The following GLG1 variants were observed in gnomAD, a reference collection of about 807,000 sequenced individuals.
GLG1 encodes golgi glycoprotein 1, also known as Golgi apparatus protein 1.
Under a neutral mutation model 160.5 loss-of-function variants are expected in GLG1, and 38 were observed. The ratio of observed to expected loss-of-function variants is 0.24; its 90% CI spans 0.18 to 0.31. The LOEUF (loss-of-function observed/expected upper bound fraction) is 0.31. GLG1 is among the 10% of genes least tolerant of loss of function. The pLI is 1.00. For synonymous variants in GLG1, 644 were observed against 543.4 expected (o/e 1.19, Z -2.57); for missense variants, 1,373 against 1,505.2 (o/e 0.91, Z 1.45).
In GLG1 at chr16:74,492,952, G is replaced by A. The variant is rs1374510968; in HGVS notation, c.1234+5C>T. The stretch of plus-strand genomic sequence containing the variant: ...TGATAATTAAAAAAAAAATATGAAT[G>A]CTACCTCTGTGTACAGCTGACTCCA... On this transcript the variant is annotated splice_donor_5th_base_variant and intron_variant, in intron 7 of 25. Transcript: ENST00000422840. The A allele has an allele frequency of 6.4e-7, 1 of 1,554,714 alleles. No individual in the cohort carries two copies. Among genetic ancestry groups the A allele is most frequent in the East Asian group, 2.3e-5 (1 of 43,932 alleles).
chr16:74,597,840 T>G (rs1958342021), intron 1 of GLG1, among the ~76,000 whole-genome samples: 12 of 113,498 alleles, frequency 1.1e-4, no homozygotes, highest in African/African-American at 1.8e-4. Context: ...GGTGACAAAG[T>G]GAGACTGCCT....
intron 16 of GLG1, 100 bp from the exon 17 acceptor site, chr16:74,469,163 C>T: frequency 1.3e-6 from 1 of 761,752 alleles, no homozygotes; most frequent in East Asian, 2.5e-5. Flanking sequence ...ATTCAAGATG[C>T]CCTTTGGGGG....
intron 3 of GLG1, among the ~76,000 whole-genome samples, chr16:74,504,541 G>C (rs903298783): frequency 6.6e-6 from 1 of 152,114 alleles, no homozygotes; most frequent in Non-Finnish European, 1.5e-5. Flanking sequence ...ACCCACCTTG[G>C]CTTCCCAAAG....
At chr16:74,547,242 T>A (rs555669689) in intron 1 of GLG1, among the ~76,000 whole-genome samples, 2 of 151,312 alleles carry the variant, frequency 1.3e-5, no homozygotes, top group African/African-American at 4.9e-5. Context: ...TTCCTTACTT[T>A]ACCAATAACT....
intron 2 of GLG1, among the ~76,000 whole-genome samples, chr16:74,517,138 G>C (rs889455205): frequency 1.3e-5 from 2 of 152,166 alleles, no homozygotes; most frequent in African/African-American, 4.8e-5. Context: ...AGAGGAGCTG[G>C]TACCATTCCT....
At chr16:74,589,258 A>C (rs1158524896) in intron 1 of GLG1, among the ~76,000 whole-genome samples, 2 of 13,672 alleles carry the variant, frequency 1.5e-4, no homozygotes, top group East Asian at 0.011. Context: ...CTCTGTCTCA[A>C]AAAAAAAAAA....
chr16:74,517,010 T>G (rs956168294), intron 2 of GLG1, among the ~76,000 whole-genome samples: 3 of 152,176 alleles, frequency 2.0e-5, no homozygotes, highest in Admixed American at 6.5e-5. Context: ...CAGGAAGAAG[T>G]TGAATCTCTG....
chr16:74,505,860 A>C (rs535280413), intron 3 of GLG1, among the ~76,000 whole-genome samples: 1 of 151,892 alleles, frequency 6.6e-6, no homozygotes, highest in Admixed American at 6.6e-5. Flanking sequence ...TTCTCTAAAC[A>C]AATAAACAAA....
intron 1 of GLG1, among the ~76,000 whole-genome samples, chr16:74,584,743 C>A (rs1021532388): frequency 2.6e-5 from 4 of 151,990 alleles, no homozygotes; most frequent in South Asian, 2.1e-4. Context: ...TGATGAAACC[C>A]CATCTCTACT....
intron 14 of GLG1, 100 bp from the exon 15 acceptor site, chr16:74,471,386 GCCCT>G: frequency 1.4e-6 from 1 of 710,292 alleles, no homozygotes; most frequent in Admixed American, 2.2e-5. Flanking sequence ...AGTTCTAGAA[GCCCT>G]CACAAAAAAA....
At chr16:74,603,790 C>T (rs548096636) in intron 1 of GLG1, among the ~76,000 whole-genome samples, 1 of 152,210 alleles carries the variant, frequency 6.6e-6, no homozygotes, top group African/African-American at 2.4e-5. Flanking sequence ...ACTAGAACAG[C>T]CCAGGGAATA....
At chr16:74,603,971 C>T (rs1224360454) in intron 1 of GLG1, among the ~76,000 whole-genome samples, 1 of 151,206 alleles carries the variant, frequency 6.6e-6, no homozygotes, top group Non-Finnish European at 1.5e-5. Flanking sequence ...AAGCATGACT[C>T]ATCCGAGAGC....
chr16:74,579,797 G>A (rs1056504589), intron 1 of GLG1, among the ~76,000 whole-genome samples: 3 of 152,114 alleles, frequency 2.0e-5, no homozygotes, highest in Non-Finnish European at 2.9e-5. Flanking sequence ...ACGCACAGTG[G>A]CTCACGCCTG....
intron 3 of GLG1, among the ~76,000 whole-genome samples, chr16:74,508,313 CAAA>C (rs35839355): frequency 9.4e-6 from 1 of 106,218 alleles, no homozygotes; most frequent in African/African-American, 3.9e-5. Context: ...ATTATTGATT[CAAA>C]AAAAAAAAAA....
chr16:74,586,480 T>C (rs931015085), intron 1 of GLG1, among the ~76,000 whole-genome samples: 23 of 152,142 alleles, frequency 1.5e-4, no homozygotes, highest in Non-Finnish European at 1.9e-4. Context: ...AATGGAAAGA[T>C]AATTTTTTTT....
intron 24 of GLG1, among the ~76,000 whole-genome samples, chr16:74,457,580 A>G (rs1189567609): frequency 6.6e-6 from 1 of 152,166 alleles, no homozygotes. Flanking sequence ...GAAAAGGACC[A>G]TGATGATGAC....
chr16:74,549,049 C>T (rs200713708), intron 1 of GLG1, among the ~76,000 whole-genome samples: 2 of 152,208 alleles, frequency 1.3e-5, no homozygotes, highest in South Asian at 2.1e-4. Flanking sequence ...ATTTGCCAAT[C>T]AGCAAATGAA....
chr16:74,466,800 T>C (rs542094736), intron 18 of GLG1, among the ~76,000 whole-genome samples: 11 of 152,160 alleles, frequency 7.2e-5, no homozygotes, highest in African/African-American at 2.6e-4. Context: ...ATAAATTATA[T>C]GCTGGGAAAG....
intron 6 of GLG1, among the ~76,000 whole-genome samples, 158 bp from the exon 7 acceptor site, chr16:74,493,298 T>C (rs775127481): frequency 1.3e-5 from 2 of 152,246 alleles, no homozygotes; most frequent in Non-Finnish European, 2.9e-5. Context: ...ATGTTCACAA[T>C]TGAGCTAAAC....
Sources: gnomAD v4.1 joint callset for allele counts (sites outside exome capture counted in the v4.1 genomes callset) on GRCh38, gnomAD v4.1.1 for gene constraint, MANE v1.5 for transcripts, NCBI Gene and HGNC (gene_info 2026-07-23, HGNC 2026-07-21) for gene names.